The following ZNF492 variants were observed in gnomAD, a reference collection of about 807,000 sequenced individuals.
The protein encoded by ZNF492 is zinc finger protein 115 (Y20).
In ZNF492, 3 loss-of-function variants were observed where a neutral mutation model predicts 6.4. The ratio of observed to expected loss-of-function variants is 0.47; its 90% CI spans 0.21 to 1.22. The LOEUF (loss-of-function observed/expected upper bound fraction) is 1.22. Ranked by LOEUF, ZNF492 falls within the 50% of genes most tolerant of loss-of-function variation. The pLI is 0.22. For synonymous variants in ZNF492, 112 were observed against 205.3 expected, an observed-to-expected ratio of 0.55 and a Z score of 3.89; for missense variants, 356 against 612.5, an observed-to-expected ratio of 0.58 and a Z score of 4.42.
In ZNF492 at chr19:22,653,907, T is replaced by G. The variant is rs1971966835; in HGVS notation, c.35-13T>G. On this transcript the variant is annotated splice_polypyrimidine_tract_variant and intron_variant, in intron 2 of 3. Transcript: ENST00000456783. ...GAATATGAGCAAGATTCATGTTATT[T>G]GTAATAAAACAGGTATTGCTGCCTC... The G allele has an allele frequency of 6.3e-7, 1 of 1,575,576 alleles. No homozygotes were observed. Among genetic ancestry groups the G allele is most frequent in the Non-Finnish European group, 8.6e-7 (1 of 1,168,272 alleles).
chr19:22,634,415 C>A lies in ZNF492; in HGVS notation c.-153C>A. On this transcript the variant is annotated 5_prime_UTR_variant, in exon 1 of 4. Transcript: ENST00000456783. ...AGGCCCATCCTCTGTGGCCCTGTGA[C>A]CTGCAGGTATTGGGAGATCCACAGC... is the stretch of plus-strand genomic sequence containing the variant. The A allele has an allele frequency of 7.3e-7, 1 of 1,361,236 alleles. No individual in the cohort carries two copies. Among genetic ancestry groups the A allele is most frequent in the South Asian group, 1.2e-5 (1 of 86,306 alleles). 84.3% of individuals were successfully genotyped at this position (1,361,236 alleles called of 1,614,324 possible).
chr19:22,638,748 C>T (rs2361024), intron 1 of ZNF492, among the ~76,000 whole-genome samples: 53,244 of 151,888 alleles, frequency 0.35, 9,851 homozygotes, highest in African/African-American at 0.49. Context: ...TGTTTTTTAG[C>T]TCTGTTAAGA....
rs1403326965 is a variant in ZNF492, at chr19:22,651,791, A to C, written c.-93-1516A>C. On this transcript the variant is annotated intron_variant, in intron 1 of 3. Transcript: ENST00000456783. ...TGTTCTCCATTAGCTGTAAACAAAT[A>C]AGATTAAGAAAATGCTTATTTAAAT... is the stretch of plus-strand genomic sequence containing the variant. Among the ~76,000 whole-genome samples, 2 of 152,152 alleles carry C rather than the reference A, an allele frequency of 1.3e-5. 1 individual carries two copies. Among genetic ancestry groups the C allele is most frequent in the African/African-American group, 4.8e-5 (2 of 41,390 alleles).
rs1972115703 is a variant in ZNF492, at chr19:22,665,504, A to G, written c.*239A>G. On this transcript the variant is annotated 3_prime_UTR_variant, in exon 4 of 4. Coordinates refer to ENST00000456783, the MANE Select transcript of ZNF492 (RefSeq NM_020855.3). ...TTATTCAACATCAGAGTTTATATTAATAGCATTAAAAGTGCAATTACTGTC... is the reference window on the plus strand; with the variant it reads ...TTATTCAACATCAGAGTTTATATTAGTAGCATTAAAAGTGCAATTACTGTC... 3 of 791,164 alleles carry G rather than the reference A, an allele frequency of 3.8e-6. No individual in the cohort carries two copies. The highest frequency in any genetic ancestry group is 5.5e-6 in the Non-Finnish European group (3 of 545,448). The allele number at this position is 791,164 out of a possible 1,614,324, so 49.0% of individuals were successfully genotyped here.
chr19:22,663,344 T>C (rs1972077621), intron 3 of ZNF492, among the ~76,000 whole-genome samples: 1 of 152,128 alleles, frequency 6.6e-6, no homozygotes, highest in African/African-American at 2.4e-5. Context: ...CAAACTGTCA[T>C]TTGAAAGAAT....
chr19:22,641,864 G>C (rs1971828287), intron 1 of ZNF492, among the ~76,000 whole-genome samples: 1 of 152,080 alleles, frequency 6.6e-6, no homozygotes, highest in Admixed American at 6.6e-5. Context: ...GGCGATCTCG[G>C]CTCACTGCAA....
intron 3 of ZNF492, among the ~76,000 whole-genome samples, chr19:22,660,963 G>T: frequency 1.4e-5 from 2 of 143,022 alleles, no homozygotes; most frequent in African/African-American, 5.2e-5. Flanking sequence ...GTATCTTTCT[G>T]ATCTGCAGAA....
chr19:22,643,975 A>G (rs1159860250), intron 1 of ZNF492, among the ~76,000 whole-genome samples: 1 of 152,024 alleles, frequency 6.6e-6, no homozygotes, highest in Admixed American at 6.6e-5. Flanking sequence ...ACCTGAAGAC[A>G]GGAAAGGAGA....
chr19:22,660,928 T>TCCC (rs752853908), intron 3 of ZNF492, among the ~76,000 whole-genome samples: 45 of 149,882 alleles, frequency 3.0e-4, no homozygotes, highest in South Asian at 1.9e-3. Context: ...TTTTTTTTTT[T>TCCC]CCCCTCAGGA....
chr19:22,637,249 T>A (rs1289562544), intron 1 of ZNF492, among the ~76,000 whole-genome samples: 1 of 152,104 alleles, frequency 6.6e-6, no homozygotes, highest in Non-Finnish European at 1.5e-5. Context: ...AGTGCTGGGA[T>A]TACAGGCGTG....
chr19:22,654,798 C>T lies in ZNF492; in HGVS notation c.130+783C>T, dbSNP rs1470880482. On this transcript the variant is annotated intron_variant, in intron 3 of 3. Coordinates refer to ENST00000456783, the MANE Select transcript of ZNF492 (RefSeq NM_020855.3). ...TGTATTTTTAGTAGAGATGGGGTGT[C>T]ACCATATTGGCCAGGCTGGTCTCGA... 4.0e-5 allele frequency among the ~76,000 whole-genome samples: 6 copies of T among 150,608 alleles called. No homozygotes were observed. In the East Asian group the frequency reaches 1.2e-3, roughly 31 times the overall value.
intron 1 of ZNF492, among the ~76,000 whole-genome samples, chr19:22,636,168 C>T (rs555156168): frequency 1.3e-4 from 20 of 150,898 alleles, no homozygotes; most frequent in African/African-American, 4.6e-4. Flanking sequence ...GGCGCGATCT[C>T]GGCTCACGGC....
chr19:22,664,634 C>T lies in ZNF492; in HGVS notation c.965C>T (p.Ser322Phe). The T allele has an allele frequency of 6.2e-7, 1 of 1,613,664 alleles. No individual in the cohort carries two copies. The highest frequency in any genetic ancestry group is 8.5e-7 in the Non-Finnish European group (1 of 1,179,842). Residue 322 changes from serine to phenylalanine, a missense_variant, in exon 4 of 4, where the codon TCC (serine) becomes TTC (phenylalanine). Coordinates refer to ENST00000456783, the MANE Select transcript of ZNF492 (RefSeq NM_020855.3). ...EECGKAFSQL[S>F]HLTTHKRIHS... ...TGTGGTAAGGCCTTTAGCCAGTTAT[C>T]CCACCTTACTACACATAAGAGAATT...
Position 22,658,186 on chromosome 19 carries a change from AG to A in ZNF492, c.130+4173del, listed in dbSNP as rs369020415. On this transcript the variant is annotated intron_variant, in intron 3 of 3. Coordinates refer to ENST00000456783, the MANE Select transcript of ZNF492 (RefSeq NM_020855.3). ...ACGTCTGTAATCCCCGGATTTTGGGAGGCCAAGGCAGGAAGACTGAGCCCAA... is the reference window on the plus strand; with the variant it reads ...ACGTCTGTAATCCCCGGATTTTGGGAGCCAAGGCAGGAAGACTGAGCCCAA... 5.3e-3 allele frequency among the ~76,000 whole-genome samples: 808 copies of A among 152,150 alleles called. 4 individuals carry two copies. The highest frequency in any genetic ancestry group is 0.019 in the South Asian group (94 of 4,824).
chr19:22,659,677 T>C (rs1255602797), intron 3 of ZNF492, among the ~76,000 whole-genome samples: 1 of 149,198 alleles, frequency 6.7e-6, no homozygotes, highest in Non-Finnish European at 1.5e-5. Flanking sequence ...GTTTTTTTTT[T>C]TTTTTTGAGA....
intron 3 of ZNF492, among the ~76,000 whole-genome samples, chr19:22,659,561 TACACACAC>T (rs569041771): frequency 2.9e-5 from 4 of 138,744 alleles, no homozygotes; most frequent in South Asian, 2.3e-4. Flanking sequence ...TAATGTGAGA[TACACACAC>T]ACACACACAC....
At position 22,641,692 on chromosome 19, in the gene ZNF492, C is replaced by T. The variant is rs1490657034; in HGVS notation, c.-94+7218C>T. ...TCAATAATGTGACTATTAGTGCCCA[C>T]GGGTGTTGTAGTCTCCCACTATTAT... On this transcript the variant is annotated intron_variant, in intron 1 of 3. Transcript: ENST00000456783. Among the ~76,000 whole-genome samples the T allele has an allele frequency of 5.3e-5, 8 of 152,198 alleles. No individual in the cohort carries two copies. The East Asian group carries it at 5.8e-4, about 11-fold the overall frequency.
At chr19:22,652,801 G>C (rs77998302) in intron 1 of ZNF492, among the ~76,000 whole-genome samples, 16,493 of 151,900 alleles carry the variant, frequency 0.11, 970 homozygotes, top group Middle Eastern at 0.16. Context: ...GGATAGTCTC[G>C]GTCTCCTGAC....
rs1359822965 is a variant in ZNF492 at position 22,666,070 on chromosome 19, ACT to A, written c.*809_*810del. ...TACAGATTTTTTTTAAAAGTAAATAACTCTCAAATTACTTCATACAAATAATG... is the reference window on the plus strand; with the variant it reads ...TACAGATTTTTTTTAAAAGTAAATAACTCAAATTACTTCATACAAATAATG... On this transcript the variant is annotated 3_prime_UTR_variant, in exon 4 of 4. Coordinates refer to ENST00000456783, the MANE Select transcript of ZNF492 (RefSeq NM_020855.3). The A allele has an allele frequency of 5.3e-5, 8 of 152,118 alleles. No individual in the cohort carries two copies. The highest frequency in any genetic ancestry group is 7.4e-5 in the Non-Finnish European group (5 of 68,014). 9.4% of individuals were successfully genotyped at this position (152,118 alleles called of 1,614,324 possible).
Sources: allele counts gnomAD v4.1 joint callset (sites outside exome capture counted in the v4.1 genomes callset), GRCh38; gene constraint gnomAD v4.1.1; transcripts MANE v1.5; gene names NCBI Gene and HGNC (gene_info 2026-07-23, HGNC 2026-07-21).